The following BFSP1 variants were observed in gnomAD, a reference collection of about 807,000 sequenced individuals.
The protein encoded by BFSP1 is beaded filament structural protein 1.
BFSP1 carries 38 observed loss-of-function variants against 43.9 expected under a neutral mutation model. The ratio of observed to expected loss-of-function variants is 0.87; its 90% CI spans 0.67 to 1.14. The LOEUF is 1.14. BFSP1 is among the 50% of genes most tolerant of loss of function. The pLI is 0.00. For missense variants in BFSP1, 850 were observed against 875.1 expected (o/e 0.97, Z 0.36); for synonymous variants, 352 against 354.8 (o/e 0.99, Z 0.09).
upstream of BFSP1, among the ~76,000 whole-genome samples, chr20:17,533,489 G>T (rs1444696645): frequency 6.6e-6 from 1 of 152,002 alleles, no homozygotes; most frequent in African/African-American, 2.4e-5. Flanking sequence ...CCTTTCAGCA[G>T]GGGCTGCTCT....
chr20:17,499,140 T>G (rs1221897480), intron 5 of BFSP1, 100 bp from the exon 6 acceptor site: 1 of 1,049,864 alleles, frequency 9.5e-7, no homozygotes. Flanking sequence ...ATGTTTTATG[T>G]TGTTTGTGTG....
At chr20:17,558,240 C>G (rs1227630787) in intron 1 of BFSP1, among the ~76,000 whole-genome samples, 1 of 151,562 alleles carries the variant, frequency 6.6e-6, no homozygotes, top group Non-Finnish European at 1.5e-5. Context: ...ATTACATTAG[C>G]CAAAAAGACT....
upstream of BFSP1, among the ~76,000 whole-genome samples, chr20:17,534,569 C>T (rs906808990): frequency 1.1e-4 from 16 of 152,052 alleles, no homozygotes; most frequent in Admixed American, 3.3e-4. Flanking sequence ...CTATATCTGA[C>T]CATAAGGAAT....
At chr20:17,524,719 C>G (rs2034383648) in intron 2 of BFSP1, 129 bp downstream of exon 2, 5 of 955,894 alleles carry the variant, frequency 5.2e-6, no homozygotes, top group Admixed American at 3.7e-5. Flanking sequence ...AGTCAAGAGA[C>G]AGAGTGACTG....
At chr20:17,503,332 T>G (rs916033264) in intron 5 of BFSP1, among the ~76,000 whole-genome samples, 3 of 152,192 alleles carry the variant, frequency 2.0e-5, no homozygotes, top group Non-Finnish European at 4.4e-5. Context: ...ACCTATAATC[T>G]CTCACTTTTC....
intron 1 of BFSP1, among the ~76,000 whole-genome samples, chr20:17,528,923 T>C (rs2034475526): frequency 6.6e-6 from 1 of 152,230 alleles, no homozygotes; most frequent in Non-Finnish European, 1.5e-5. Flanking sequence ...TTCCCAAATC[T>C]GGCTGGAATG....
At chr20:17,536,028 TCAGC>T (rs2034624322), upstream of BFSP1, among the ~76,000 whole-genome samples, 1 of 152,144 alleles carries the variant, frequency 6.6e-6, no homozygotes, top group South Asian at 2.1e-4. Flanking sequence ...TCCTCCTGCC[TCAGC>T]CTCCCAAAGT....
At chr20:17,517,319 G>C in intron 2 of BFSP1, 1 of 1,157,908 alleles carries the variant, frequency 8.6e-7, no homozygotes, top group Non-Finnish European at 1.3e-6. Flanking sequence ...AACTGTATGA[G>C]TTAATAAAAG....
intron 3 of BFSP1, among the ~76,000 whole-genome samples, chr20:17,512,904 C>T (rs570406841): frequency 8.5e-5 from 13 of 152,274 alleles, no homozygotes; most frequent in African/African-American, 2.9e-4. Flanking sequence ...GGATAACTAT[C>T]TGTAGGGATG....
intron 5 of BFSP1, among the ~76,000 whole-genome samples, chr20:17,505,422 C>A (rs558525323): frequency 6.6e-6 from 1 of 152,358 alleles, no homozygotes; most frequent in East Asian, 1.9e-4. Context: ...CTCACCCTGA[C>A]GACCCCTGCT....
intron 5 of BFSP1, among the ~76,000 whole-genome samples, chr20:17,500,397 A>G (rs1347202976): frequency 6.6e-6 from 1 of 152,254 alleles, no homozygotes; most frequent in Non-Finnish European, 1.5e-5. Context: ...CCATAAGAGT[A>G]CAATGGAGCT....
chr20:17,510,193 A>T (rs533076383), intron 4 of BFSP1, among the ~76,000 whole-genome samples: 1 of 152,338 alleles, frequency 6.6e-6, no homozygotes, highest in East Asian at 1.9e-4. Flanking sequence ...ATTCTGCCTC[A>T]GTGGGTCTGA....
At chr20:17,567,924 G>C (rs1373434082) in intron 1 of BFSP1, among the ~76,000 whole-genome samples, 1 of 151,600 alleles carries the variant, frequency 6.6e-6, no homozygotes. Context: ...AACTAGGGGG[G>C]TGAAGGAGTT....
At chr20:17,511,042 C>T (rs2034066181) in intron 4 of BFSP1, among the ~76,000 whole-genome samples, 1 of 152,056 alleles carries the variant, frequency 6.6e-6, no homozygotes, top group African/African-American at 2.4e-5. Flanking sequence ...GAACTCCTAG[C>T]CTCAAATGAT....
intron 1 of BFSP1, among the ~76,000 whole-genome samples, chr20:17,527,554 T>C (rs895212944): frequency 6.6e-5 from 10 of 152,004 alleles, no homozygotes; most frequent in African/African-American, 1.7e-4. Flanking sequence ...GGTGAAACCC[T>C]GTCTCTACTA....
chr20:17,563,560 C>T (rs1199218267), upstream of BFSP1, among the ~76,000 whole-genome samples: 8 of 151,952 alleles, frequency 5.3e-5, 1 homozygote, highest in African/African-American at 1.7e-4. Context: ...AGGCTGGTCT[C>T]GAACTTCTGA....
intron 1 of BFSP1, among the ~76,000 whole-genome samples, chr20:17,554,854 T>A (rs2034963760): frequency 6.6e-6 from 1 of 152,184 alleles, no homozygotes; most frequent in South Asian, 2.1e-4. Flanking sequence ...GGAAAAGTAT[T>A]AGAATTAATG....
At chr20:17,552,503 T>G (rs957496923) in intron 1 of BFSP1, among the ~76,000 whole-genome samples, 1 of 152,138 alleles carries the variant, frequency 6.6e-6, no homozygotes, top group Non-Finnish European at 1.5e-5. Context: ...GGCAAGGAAG[T>G]GGCATAAACT....
intron 1 of BFSP1, among the ~76,000 whole-genome samples, chr20:17,546,919 G>A (rs2034811140): frequency 6.6e-6 from 1 of 151,718 alleles, no homozygotes; most frequent in African/African-American, 2.4e-5. Context: ...AGCTACTTGG[G>A]AGGCTGAGGC....
Sources: gnomAD v4.1 joint callset for allele counts (sites outside exome capture counted in the v4.1 genomes callset) on GRCh38, gnomAD v4.1.1 for gene constraint, MANE v1.5 for transcripts, NCBI Gene and HGNC (gene_info 2026-07-23, HGNC 2026-07-21) for gene names.